The following ENDOU variants were observed in gnomAD, a reference collection of about 807,000 sequenced individuals.
ENDOU encodes the protein uridylate-specific endoribonuclease.
In ENDOU, 49 loss-of-function variants were observed where a neutral mutation model predicts 54.2. That is an observed-to-expected ratio of 0.90 (90% confidence interval 0.72 to 1.15). The LOEUF (loss-of-function observed/expected upper bound fraction) is 1.15, where lower values mean the gene tolerates loss of function less well. Ranked by LOEUF, ENDOU falls within the 50% of genes most tolerant of loss-of-function variation. The probability of loss-of-function intolerance (pLI) is 0.00; values close to 1 mark genes in which losing one functional copy is unlikely to be tolerated. For missense variants in ENDOU, 458 were observed against 511.4 expected, an observed-to-expected ratio of 0.90 and a Z score of 1.01; for synonymous variants, 172 against 190.5, an observed-to-expected ratio of 0.90 and a Z score of 0.80.
intron 6 of ENDOU, among the ~76,000 whole-genome samples, chr12:47,716,083 C>T (rs531843761): frequency 6.6e-6 from 1 of 152,082 alleles, no homozygotes; most frequent in African/African-American, 2.4e-5. Flanking sequence ...GGGTGATATC[C>T]AAGCCAGCCA....
chr12:47,717,724 C>A, intron 3 of ENDOU, 69 bp from the exon 4 acceptor site: 2 of 1,527,722 alleles, frequency 1.3e-6, no homozygotes, highest in South Asian at 1.2e-5. Context: ...CACAGGCTGT[C>A]GCTCCCTAGC....
chr12:47,710,670 A>G lies in ENDOU; in HGVS notation c.*132T>C, dbSNP rs1939952728. 2 of 688,072 alleles carry G rather than the reference A, an allele frequency of 2.9e-6. No individual in the cohort carries two copies. The highest frequency in any genetic ancestry group is 3.5e-5 in the African/African-American group (2 of 56,422). The allele number at this position is 688,072 out of a possible 1,614,324, so 42.6% of individuals were successfully genotyped here. A position where few individuals can be genotyped will look rare whatever the true frequency, so the allele number is the denominator to read the frequency against. On this transcript the variant is annotated 3_prime_UTR_variant, in exon 10 of 10. Coordinates refer to ENST00000422538, the MANE Select transcript of ENDOU (RefSeq NM_001172439.2). Reference sequence around the variant, plus strand: ...CTCTTTCCCATGTGGGCACTTTGGGATTTAGGAATGCTTCTCATTGCTTTG... The same window carrying G: ...CTCTTTCCCATGTGGGCACTTTGGGGTTTAGGAATGCTTCTCATTGCTTTG...
intron 1 of ENDOU, among the ~76,000 whole-genome samples, chr12:47,723,493 T>C (rs888742232): frequency 3.3e-5 from 5 of 152,206 alleles, no homozygotes; most frequent in African/African-American, 9.6e-5. Flanking sequence ...CCTGTGCCTC[T>C]TGTTCCTCTG....
chr12:47,710,842 T>C lies in ENDOU; in HGVS notation c.1193A>G (p.Lys398Arg), dbSNP rs768006268. 57 of 1,614,036 alleles carry C rather than the reference T, an allele frequency of 3.5e-5. No homozygotes were observed. The highest frequency in any genetic ancestry group is 4.2e-5 in the Non-Finnish European group (49 of 1,180,008). The change falls in exon 10 of 10, where the codon AAG becomes AGG. Residue 398 changes from lysine (K) to arginine (R), a missense_variant. Physicochemically the swap from Lys to Arg is conservative, Grantham distance 26 (BLOSUM62 2). Coordinates refer to ENST00000422538, the MANE Select transcript of ENDOU (RefSeq NM_001172439.2). ...TWDKSTYGNG[K>R]KYIATAYIVS... ...TATGTAGGCTGTGGCGATGTACTTC[T>C]TGCCATTCCCATAGGTGGACTTGTC...
At chr12:47,720,714 G>A in intron 2 of ENDOU, 39 bp downstream of exon 2, 1 of 1,533,072 alleles carries the variant, frequency 6.5e-7, no homozygotes, top group Non-Finnish European at 8.7e-7. Flanking sequence ...TGGCCCCTTA[G>A]ACAGGCTGGA....
rs1021674277 is a variant in ENDOU at position 47,709,808 on chromosome 12, A to G, written c.*994T>C. On this transcript the variant is annotated 3_prime_UTR_variant, in exon 10 of 10. Coordinates refer to ENST00000422538, the MANE Select transcript of ENDOU (RefSeq NM_001172439.2). Reference sequence around the variant, plus strand: ...CATAGTTCACACCCGGCTCTGTGGTACAGCATTTAGTTCTCAGTGGGGTTG... The same window carrying G: ...CATAGTTCACACCCGGCTCTGTGGTGCAGCATTTAGTTCTCAGTGGGGTTG... 1 of 152,246 alleles carries G rather than the reference A, an allele frequency of 6.6e-6. No individual in the cohort carries two copies. The highest frequency in any genetic ancestry group is 1.5e-5 in the Non-Finnish European group (1 of 68,056). 9.4% of individuals were successfully genotyped at this position (152,246 alleles called of 1,614,324 possible). A position where few individuals can be genotyped will look rare whatever the true frequency, so the allele number is the denominator to read the frequency against.
At chr12:47,723,306 CA>C (rs1450344218) in intron 1 of ENDOU, among the ~76,000 whole-genome samples, 1 of 152,176 alleles carries the variant, frequency 6.6e-6, no homozygotes, top group Non-Finnish European at 1.5e-5. Flanking sequence ...CAGTGGAGTG[CA>C]GGGGTGGGAG....
In ENDOU at chr12:47,717,595, T is replaced by A. The variant is rs1000170129; in HGVS notation, c.305A>T (p.His102Leu). ...GRCYEAFDKH[H>L]QCHCNARCQE... ...GCAGCGGGCATTGCAGTGACATTGGTGGTGCTTGTCAAAGGCTTCGTAGCA... is the reference window on the plus strand; with the variant it reads ...GCAGCGGGCATTGCAGTGACATTGGAGGTGCTTGTCAAAGGCTTCGTAGCA... Residue 102 changes from histidine to leucine, a missense_variant, in exon 4 of 10, where the codon CAC (histidine) becomes CTC (leucine). Coordinates refer to ENST00000422538, the MANE Select transcript of ENDOU (RefSeq NM_001172439.2). The A allele has an allele frequency of 6.2e-7, 1 of 1,614,072 alleles. No homozygotes were observed. The highest frequency in any genetic ancestry group is 8.5e-7 in the Non-Finnish European group (1 of 1,180,008).
At chr12:47,722,273 G>A (rs1310132710) in intron 1 of ENDOU, among the ~76,000 whole-genome samples, 3 of 152,250 alleles carry the variant, frequency 2.0e-5, no homozygotes, top group Non-Finnish European at 2.9e-5. Context: ...TTGATACTTT[G>A]TCTAATGAGG....
chr12:47,720,231 G>A (rs1216854916), intron 2 of ENDOU: 1 of 152,386 alleles, frequency 6.6e-6, no homozygotes, highest in African/African-American at 2.4e-5. Context: ...TAAAGGTGGT[G>A]CATGTCCTGT....
chr12:47,716,524 A>C, intron 5 of ENDOU, 25 bp from the exon 6 acceptor site: 1 of 1,609,046 alleles, frequency 6.2e-7, no homozygotes, highest in Non-Finnish European at 8.5e-7. Flanking sequence ...GGGGAGCCCC[A>C]CTGAGAGCCC....
intron 1 of ENDOU, among the ~76,000 whole-genome samples, chr12:47,724,428 G>C (rs1428661275): frequency 6.6e-6 from 1 of 152,186 alleles, no homozygotes; most frequent in African/African-American, 2.4e-5. Context: ...ATGACCCCAA[G>C]CGGAAGTTTC....
rs140193144 is a variant in ENDOU, at chr12:47,723,305, G to A, written c.55+2054C>T. 3.9e-3 allele frequency among the ~76,000 whole-genome samples: 601 copies of A among 152,304 alleles called. 2 individuals are homozygous for A. The highest frequency in any genetic ancestry group is 0.01 in the Middle Eastern group (3 of 294). On this transcript the variant is annotated intron_variant, in intron 1 of 9. Transcript: ENST00000422538. ...TGACCTTGGGATTTGACAGTGGAGTGCAGGGGTGGGAGGAACTTTTCCTCA... is the reference window on the plus strand; with the variant it reads ...TGACCTTGGGATTTGACAGTGGAGTACAGGGGTGGGAGGAACTTTTCCTCA...
intron 2 of ENDOU, chr12:47,719,388 T>C (rs1450172116): frequency 2.0e-5 from 3 of 152,074 alleles, no homozygotes; most frequent in African/African-American, 7.2e-5. Flanking sequence ...TGCTAATATA[T>C]ATGTGGTGCT....
In ENDOU at chr12:47,716,288, G is replaced by C; in HGVS notation, c.751+12C>G. 6.2e-7 allele frequency: 1 copy of C among 1,613,418 alleles called. No homozygotes were observed. The highest frequency in any genetic ancestry group is 8.5e-7 in the Non-Finnish European group (1 of 1,179,538). On this transcript the variant is annotated intron_variant, in intron 6 of 9. Transcript: ENST00000422538. The stretch of plus-strand genomic sequence containing the variant: ...GACTCATGCGCTCTGGGGCCTGGGG[G>C]TGCTCACTCACTCTGGTGATGGAGG...
At chr12:47,712,688 C>G in intron 7 of ENDOU, 66 bp from the exon 8 acceptor site, 2 of 1,190,466 alleles carry the variant, frequency 1.7e-6, no homozygotes, top group South Asian at 2.6e-5. Context: ...AATCCCCTTT[C>G]TCCACCCCAT....
intron 9 of ENDOU, 94 bp from the exon 10 acceptor site, chr12:47,711,013 T>G: frequency 6.7e-6 from 5 of 741,430 alleles, no homozygotes; most frequent in Non-Finnish European, 1.1e-5. Context: ...GCAGAAGGGC[T>G]CCATTCTGCT....
chr12:47,716,853 G>T, intron 5 of ENDOU, 37 bp downstream of exon 5: 1 of 1,609,390 alleles, frequency 6.2e-7, no homozygotes, highest in South Asian at 1.1e-5. Context: ...ATAGGGGCAA[G>T]ATTTAGGGGG....
chr12:47,715,959 A>C lies in ENDOU; in HGVS notation c.751+341T>G, dbSNP rs552652285. On this transcript the variant is annotated intron_variant, in intron 6 of 9. Transcript: ENST00000422538. ...GACTCCAGGATCGCGGAGGTGGCTGAGACGTGCTCTGGGTGGGGGTGGGAT... is the reference window on the plus strand; with the variant it reads ...GACTCCAGGATCGCGGAGGTGGCTGCGACGTGCTCTGGGTGGGGGTGGGAT... Among the ~76,000 whole-genome samples the C allele has an allele frequency of 4.6e-5, 7 of 152,104 alleles. No individual in the cohort carries two copies. The South Asian group carries it at 1.5e-3, about 32-fold the overall frequency.
Sources: gnomAD v4.1 joint callset for allele counts (sites outside exome capture counted in the v4.1 genomes callset) on GRCh38, gnomAD v4.1.1 for gene constraint, MANE v1.5 for transcripts, NCBI Gene and HGNC (gene_info 2026-07-23, HGNC 2026-07-21) for gene names.